Variants in DLGAP2 observed in about 807,000 individuals in gnomAD.
The protein encoded by DLGAP2 is DLG associated protein 2, also known as disks large-associated protein 2.
Under a neutral mutation model 100.3 loss-of-function variants are expected in DLGAP2, and 26 were observed. The observed-to-expected ratio is 0.26, with a 90% CI of 0.19 to 0.36. DLGAP2 has a LOEUF of 0.36. Among genes scored for constraint, DLGAP2 ranks in the 10% least tolerant of loss-of-function variants. The probability of loss-of-function intolerance (pLI) is 1.00; values close to 1 mark genes in which losing one functional copy is unlikely to be tolerated. For synonymous variants in DLGAP2, 886 were observed against 630.1 expected, an observed-to-expected ratio of 1.41 and a Z score of -6.08; for missense variants, 1,858 against 1,453.2, an observed-to-expected ratio of 1.28 and a Z score of -4.53.
At chr8:1,517,383 G>A (rs1034997927) in intron 4 of DLGAP2, among the ~76,000 whole-genome samples, 7 of 152,106 alleles carry the variant, frequency 4.6e-5, no homozygotes, top group African/African-American at 1.2e-4. Context: ...GGGAGGGGCC[G>A]TGGTGAGGGG....
At chr8:785,897 C>T (rs958310825) in intron 1 of DLGAP2, among the ~76,000 whole-genome samples, 3 of 152,120 alleles carry the variant, frequency 2.0e-5, no homozygotes, top group African/African-American at 7.2e-5. Context: ...TGTACAGGCT[C>T]CTGCCGGGCC....
At chr8:1,424,986 C>T (rs2129951841) in intron 3 of DLGAP2, among the ~76,000 whole-genome samples, 1 of 152,224 alleles carries the variant, frequency 6.6e-6, no homozygotes. Context: ...GTGCTTAATG[C>T]CACTGAAATA....
At chr8:950,624 T>C (rs1365313705) in intron 2 of DLGAP2, among the ~76,000 whole-genome samples, 1 of 89,846 alleles carries the variant, frequency 1.1e-5, no homozygotes, top group Non-Finnish European at 2.6e-5. Context: ...TTCTTTTTCT[T>C]TTTTTTTTTT....
At chr8:1,414,944 G>A (rs1563132359) in intron 3 of DLGAP2, among the ~76,000 whole-genome samples, 1 of 152,146 alleles carries the variant, frequency 6.6e-6, no homozygotes, top group African/African-American at 2.4e-5. Context: ...GGGAGGTGGA[G>A]GTTTCAGTGA....
chr8:768,613 A>G (rs1821275937), intron 1 of DLGAP2, among the ~76,000 whole-genome samples: 1 of 151,396 alleles, frequency 6.6e-6, no homozygotes, highest in African/African-American at 2.4e-5. Context: ...TTTAGTAGAG[A>G]TGGGGTTTCA....
rs899754149 is a variant in DLGAP2 at position 1,129,233 on chromosome 8, G to A, written c.74-129618G>A. On this transcript the variant is annotated intron_variant, in intron 2 of 14. Coordinates refer to ENST00000637795, the MANE Select transcript of DLGAP2 (RefSeq NM_001346810.2). ...ATCCTGGCCAACATGGTGAAAACCCGTCTCTAGTAAATATAAAAAATTAGC... is the reference window on the plus strand; with the variant it reads ...ATCCTGGCCAACATGGTGAAAACCCATCTCTAGTAAATATAAAAAATTAGC... Among the ~76,000 whole-genome samples, 10 of 152,072 alleles carry A rather than the reference G, an allele frequency of 6.6e-5. No homozygotes were observed. The South Asian group carries it at 8.3e-4, about 13-fold the overall frequency.
chr8:838,000 T>G (rs1796913568), intron 1 of DLGAP2, among the ~76,000 whole-genome samples: 1 of 151,800 alleles, frequency 6.6e-6, no homozygotes, highest in Admixed American at 6.6e-5. Context: ...GTGCTGGGGT[T>G]ACAGGCGTGA....
intron 2 of DLGAP2, among the ~76,000 whole-genome samples, chr8:1,244,548 G>A (rs780689519): frequency 1.3e-5 from 2 of 152,186 alleles, no homozygotes; most frequent in Non-Finnish European, 2.9e-5. Flanking sequence ...TCTAAAGAAT[G>A]AGTAGGATTT....
chr8:977,129 T>C (rs1161212981), intron 2 of DLGAP2, among the ~76,000 whole-genome samples: 1 of 152,228 alleles, frequency 6.6e-6, no homozygotes, highest in Non-Finnish European at 1.5e-5. Flanking sequence ...GCTTCTTGCA[T>C]TTCTTCACCT....
chr8:1,310,499 G>A (rs76737218), intron 3 of DLGAP2, among the ~76,000 whole-genome samples: 6,212 of 152,154 alleles, frequency 0.041, 439 homozygotes, highest in African/African-American at 0.14. Flanking sequence ...GGGTTTGGAC[G>A]GACACGTACA....
intron 2 of DLGAP2, among the ~76,000 whole-genome samples, chr8:1,207,494 G>A (rs768039302): frequency 1.3e-5 from 2 of 152,140 alleles, no homozygotes; most frequent in Non-Finnish European, 2.9e-5. Context: ...AGGCATTTGG[G>A]CTGGTTCTGT....
intron 2 of DLGAP2, among the ~76,000 whole-genome samples, chr8:933,132 G>C (rs1798996306): frequency 6.6e-6 from 1 of 152,232 alleles, no homozygotes; most frequent in Non-Finnish European, 1.5e-5. Context: ...GCTGCTGTCT[G>C]TTCCCTTCAG....
chr8:1,142,521 G>C (rs1209970310), intron 2 of DLGAP2, among the ~76,000 whole-genome samples: 1 of 152,148 alleles, frequency 6.6e-6, no homozygotes, highest in East Asian at 1.9e-4. Context: ...AACATCTTTT[G>C]TAAAAGTGCC....
At chr8:1,073,824 G>A (rs371071202) in intron 2 of DLGAP2, among the ~76,000 whole-genome samples, 86 of 152,322 alleles carry the variant, frequency 5.6e-4, no homozygotes, top group African/African-American at 2.0e-3. Context: ...TTTATCTTCT[G>A]CTATTCTGTG....
At chr8:1,256,493 T>C (rs1223257138) in intron 2 of DLGAP2, among the ~76,000 whole-genome samples, 1,419 of 131,712 alleles carry the variant, frequency 0.011, 19 homozygotes, top group African/African-American at 0.033. Flanking sequence ...TGTGTGTGTG[T>C]CCTCTCCTGC....
At chr8:1,639,383 C>A (rs1180900376) in intron 8 of DLGAP2, among the ~76,000 whole-genome samples, 1 of 152,134 alleles carries the variant, frequency 6.6e-6, no homozygotes, top group African/African-American at 2.4e-5. Context: ...TGGGTCTTGG[C>A]AGTGTGGGCA....
chr8:871,398 A>T (rs1279828543), intron 1 of DLGAP2, among the ~76,000 whole-genome samples: 1 of 152,212 alleles, frequency 6.6e-6, no homozygotes, highest in East Asian at 1.9e-4. Flanking sequence ...GAGTTTTGTC[A>T]AATCTGACAG....
chr8:1,191,758 CCTT>C (rs1797644821), intron 2 of DLGAP2, among the ~76,000 whole-genome samples: 1 of 152,152 alleles, frequency 6.6e-6, no homozygotes, highest in African/African-American at 2.4e-5. Flanking sequence ...TATGTATTTT[CCTT>C]CTTCCAGGGG....
At chr8:871,039 C>T (rs1325069754) in intron 1 of DLGAP2, among the ~76,000 whole-genome samples, 1 of 152,218 alleles carries the variant, frequency 6.6e-6, no homozygotes, top group Non-Finnish European at 1.5e-5. Context: ...CAGTGGTCCC[C>T]TTAACCTTCC....
Sources: allele counts gnomAD v4.1 joint callset (sites outside exome capture counted in the v4.1 genomes callset), GRCh38; gene constraint gnomAD v4.1.1; transcripts MANE v1.5; gene names NCBI Gene and HGNC (gene_info 2026-07-23, HGNC 2026-07-21).